BCS1L: variants seen among roughly 807,000 people sequenced by gnomAD.
BCS1L encodes the protein BCS1 ubiquinol-cytochrome c reductase complex chaperone, also known as mitochondrial chaperone BCS1.
A neutral mutation model predicts 49.3 loss-of-function variants in BCS1L; 38 were observed. The observed-to-expected ratio is 0.77, with a 90% confidence interval of 0.59 to 1.01. BCS1L has a LOEUF of 1.01. BCS1L is among the 50% of genes least tolerant of loss of function. The pLI, the probability that BCS1L is intolerant of heterozygous loss-of-function variation, is 0.00. For synonymous variants in BCS1L, 193 were observed against 210.1 expected (o/e 0.92, Z 0.70); for missense variants, 394 against 540.2 (o/e 0.73, Z 2.68).
At position 218,661,638 on chromosome 2, in the gene BCS1L, G is replaced by T; in HGVS notation, c.460+93G>T. ...CAGTTTGGAGAAGTGGAATAAGCAGGCCGGGGTGAGCCCATGGGAACAGGG... is the reference window on the plus strand; with the variant it reads ...CAGTTTGGAGAAGTGGAATAAGCAGTCCGGGGTGAGCCCATGGGAACAGGG... On this transcript the variant is annotated intron_variant, in intron 3 of 7. Coordinates refer to ENST00000359273, the MANE Select transcript of BCS1L (RefSeq NM_001079866.2). The surrounding 1 kb of genome is among the most constrained non-coding windows in gnomAD (Gnocchi z 5.9). 3.8e-6 allele frequency: 6 copies of T among 1,584,036 alleles called. No homozygotes were observed. Among genetic ancestry groups the T allele is most frequent in the Non-Finnish European group, 4.3e-6 (5 of 1,164,964 alleles).
upstream of BCS1L, chr2:218,658,762 C>G (rs1377910660): frequency 6.6e-6 from 1 of 152,130 alleles, no homozygotes; most frequent in African/African-American, 2.4e-5. Flanking sequence ...CCGGGGGGAG[C>G]CAAGGAGGAC....
rs781666793 is a variant in BCS1L at position 218,662,558 on chromosome 2, C to G, written c.768C>G (p.Leu256=). 5.0e-6 allele frequency: 8 copies of G among 1,614,170 alleles called. No homozygotes were observed. Among genetic ancestry groups the G allele is most frequent in the Non-Finnish European group, 8.5e-7 (1 of 1,180,044 alleles). The part of the protein sequence containing the change: ...ELEHSICLLS[L]TDSSLSDDRL... The stretch of plus-strand genomic sequence containing the variant: ...AGCACAGCATCTGCCTGCTGAGCCT[C>G]ACGGACTCCAGCCTCTCTGATGACC... The change falls in exon 6 of 8, where the codon CTC becomes CTG. Residue 256 remains leucine (L), a synonymous_variant. Transcript: ENST00000359273. The surrounding 1 kb of genome is among the most constrained non-coding windows in gnomAD (Gnocchi z 5.8).
At position 218,662,392 on chromosome 2, in the gene BCS1L, G is replaced by C; in HGVS notation, c.720-118G>C. On this transcript the variant is annotated intron_variant, in intron 5 of 7. Coordinates refer to ENST00000359273, the MANE Select transcript of BCS1L (RefSeq NM_001079866.2). The surrounding 1 kb of genome is among the most constrained non-coding windows in gnomAD (Gnocchi z 5.8). ...AAACATGAAACGTGTGGAACATCAGGGTGTGAGGTAGAAGTCAGGCCTCTG... is the reference window on the plus strand; with the variant it reads ...AAACATGAAACGTGTGGAACATCAGCGTGTGAGGTAGAAGTCAGGCCTCTG... 6.7e-7 allele frequency: 1 copy of C among 1,491,044 alleles called. No homozygotes were observed. The highest frequency in any genetic ancestry group is 1.7e-4 in the Middle Eastern group (1 of 5,820). 92.4% of individuals were successfully genotyped at this position (1,491,044 alleles called of 1,614,324 possible). A position where few individuals can be genotyped will look rare whatever the true frequency, so the allele number is the denominator to read the frequency against.
rs1411803751 is a variant in BCS1L, at chr2:218,660,823, T to G, written c.-49-116T>G. On this transcript the variant is annotated intron_variant, in intron 1 of 7. Coordinates refer to ENST00000359273, the MANE Select transcript of BCS1L (RefSeq NM_001079866.2). ...CCACCCTTGCATTCCAATACCACCC[T>G]TACCCCACAAAAGGAGGGTATTGAC... The G allele has an allele frequency of 1.7e-5, 12 of 716,806 alleles. No individual in the cohort carries two copies. The South Asian group carries it at 2.1e-4, about 12-fold the overall frequency. The allele number at this position is 716,806 out of a possible 1,614,324, so 44.4% of individuals were successfully genotyped here.
At position 218,662,342 on chromosome 2, in the gene BCS1L, G is replaced by T. The variant is rs1327075257; in HGVS notation, c.719+82G>T. 2 of 1,521,228 alleles carry T rather than the reference G, an allele frequency of 1.3e-6. No individual in the cohort carries two copies. The highest frequency in any genetic ancestry group is 1.4e-5 in the African/African-American group (1 of 72,614). The allele number at this position is 1,521,228 out of a possible 1,614,324, so 94.2% of individuals were successfully genotyped here. On this transcript the variant is annotated intron_variant, in intron 5 of 7. Coordinates refer to ENST00000359273, the MANE Select transcript of BCS1L (RefSeq NM_001079866.2). The surrounding 1 kb of genome is among the most constrained non-coding windows in gnomAD (Gnocchi z 5.8). ...GGCTGATAGGGTTGGAAGGGGAAAT[G>T]AATCTGGGGATCGGGGACCAGGATA...
At chr2:218,660,587 A>C in intron 1 of BCS1L, 1 of 223,848 alleles carries the variant, frequency 4.5e-6, no homozygotes, top group Non-Finnish European at 9.0e-6. Context: ...AAGTCAACGG[A>C]CGCTTCTCCC....
In BCS1L at chr2:218,662,737, C is replaced by T; in HGVS notation, c.889+58C>T. 1 of 1,612,212 alleles carries T rather than the reference C, an allele frequency of 6.2e-7. No individual in the cohort carries two copies. The highest frequency in any genetic ancestry group is 2.2e-5 in the East Asian group (1 of 44,880). On this transcript the variant is annotated intron_variant, in intron 6 of 7. Coordinates refer to ENST00000359273, the MANE Select transcript of BCS1L (RefSeq NM_001079866.2). The surrounding 1 kb of genome is among the most constrained non-coding windows in gnomAD (Gnocchi z 5.8). ...GTAACTGTGGAACAGGGGAAGAAAG[C>T]AGAAATCCAGAGGGCTGGTGGAAGA... is the stretch of plus-strand genomic sequence containing the variant.
In BCS1L at chr2:218,661,121, G is replaced by A. The variant is rs754414354; in HGVS notation, c.134G>A (p.Arg45His). 35 of 1,614,044 alleles carry A rather than the reference G, an allele frequency of 2.2e-5. No individual in the cohort carries two copies. Among genetic ancestry groups the A allele is most frequent in the African/African-American group, 2.7e-5 (2 of 74,910 alleles). The change falls in exon 2 of 8, where the codon CGC (arginine) becomes CAC (histidine). Residue 45 changes from arginine to histidine, a missense_variant. Transcript: ENST00000359273. This position sits in a 1 kb window ranked among gnomAD's most constrained non-coding sequence, Gnocchi z 5.9. The stretch of plus-strand genomic sequence containing the variant: ...CAACTGGGCCTGGTGGCATTCCGGC[G>A]CCATTACATGATCACACTGGAAGTC... Reference protein sequence around the residue: ...GVQLGLVAFRRHYMITLEVPA... With the variant: ...GVQLGLVAFRHHYMITLEVPA...
rs894421088 is a variant in BCS1L, at chr2:218,660,929, C to T, written c.-49-10C>T. The T allele has an allele frequency of 1.3e-6, 2 of 1,587,682 alleles. No individual in the cohort carries two copies. Among genetic ancestry groups the T allele is most frequent in the African/African-American group, 1.3e-5 (1 of 74,448 alleles). On this transcript the variant is annotated splice_polypyrimidine_tract_variant and intron_variant, in intron 1 of 7. Coordinates refer to ENST00000359273, the MANE Select transcript of BCS1L (RefSeq NM_001079866.2). ...TGCTTTGTCCCATCTCCACTGTTCC[C>T]CACCCCTAGGTTTTCGTAACACCCC...
rs1939517706 is a variant in BCS1L at position 218,662,027 on chromosome 2, T to C, written c.655+74T>C. On this transcript the variant is annotated intron_variant, in intron 4 of 7. Coordinates refer to ENST00000359273, the MANE Select transcript of BCS1L (RefSeq NM_001079866.2). The surrounding 1 kb of genome is among the most constrained non-coding windows in gnomAD (Gnocchi z 5.8). ...AGGGACAGGTTGGTCTCCAGCCAGATGGGGTGATATAAAGCTCTAGTCCAA... is the reference window on the plus strand; with the variant it reads ...AGGGACAGGTTGGTCTCCAGCCAGACGGGGTGATATAAAGCTCTAGTCCAA... The C allele has an allele frequency of 6.5e-7, 1 of 1,532,912 alleles. No individual in the cohort carries two copies. The highest frequency in any genetic ancestry group is 9.0e-7 in the Non-Finnish European group (1 of 1,110,180). 95.0% of individuals were successfully genotyped at this position (1,532,912 alleles called of 1,614,324 possible). A position where few individuals can be genotyped will look rare whatever the true frequency, so the allele number is the denominator to read the frequency against.
chr2:218,659,580 GA>G (rs1939078742), upstream of BCS1L: 1 of 152,278 alleles, frequency 6.6e-6, no homozygotes. This position sits in a 1 kb window ranked among gnomAD's most constrained non-coding sequence, Gnocchi z 4.4. Context: ...CTCCAGCCCT[GA>G]AGCCGGAGAA....
chr2:218,663,283 G>A lies in BCS1L; in HGVS notation c.1157G>A (p.Arg386Gln), dbSNP rs775817146. The A allele has an allele frequency of 1.3e-5, 21 of 1,614,056 alleles. No individual in the cohort carries two copies. In the Admixed American group the frequency reaches 1.7e-4, roughly 13 times the overall value. Residue 386 changes from arginine to glutamine, a missense_variant, in exon 8 of 8, where the codon CGA becomes CAA. Coordinates refer to ENST00000359273, the MANE Select transcript of BCS1L (RefSeq NM_001079866.2). ...LAENFAEHVL[R>Q]ATNQISPAQV... is the part of the protein sequence containing the mutation. ...GAGAACTTTGCAGAACATGTCCTTC[G>A]AGCTACAAACCAGATCAGTCCTGCC...
chr2:218,659,952 C>T lies in BCS1L; in HGVS notation c.-50+209C>T, dbSNP rs1305087630. ...AGGTCACTGCTGTCAGCTCACCTCC[C>T]TGCATGCCAGGCGCAGGGCAAAGTG... On this transcript the variant is annotated intron_variant, in intron 1 of 7. Transcript: ENST00000359273. This position sits in a 1 kb window ranked among gnomAD's most constrained non-coding sequence, Gnocchi z 4.4. 3 of 152,292 alleles carry T rather than the reference C, an allele frequency of 2.0e-5. No homozygotes were observed. The highest frequency in any genetic ancestry group is 6.5e-5 in the Admixed American group (1 of 15,284). 9.4% of individuals were successfully genotyped at this position (152,292 alleles called of 1,614,324 possible). A position where few individuals can be genotyped will look rare whatever the true frequency, so the allele number is the denominator to read the frequency against.
rs140812286 is a variant in BCS1L, at chr2:218,661,204, C to T, written c.217C>T (p.Arg73Cys). Residue 73 changes from arginine to cysteine, a missense_variant, in exon 2 of 8, where the codon CGT (arginine) becomes TGT (cysteine). Physicochemically the swap from Arg to Cys is radical, Grantham distance 180. Transcript: ENST00000359273. This position sits in a 1 kb window ranked among gnomAD's most constrained non-coding sequence, Gnocchi z 5.9. Reference protein sequence around the residue: ...LLSWLTRHSTRTQHLSVETSY... With the variant: ...LLSWLTRHSTCTQHLSVETSY... The stretch of plus-strand genomic sequence containing the variant: ...TAGCTGGCTCACCCGCCACAGTACC[C>T]GTACTCAGCACCTCAGTGTCGAGAC... 6.9e-5 allele frequency: 111 copies of T among 1,614,092 alleles called. No individual in the cohort carries two copies. The highest frequency in any genetic ancestry group is 3.3e-5 in the South Asian group (3 of 91,086).
Position 218,661,872 on chromosome 2 carries a change from G to A in BCS1L, c.574G>A (p.Val192Ile), listed in dbSNP as rs139009621. The change falls in exon 4 of 8, where the codon GTT (valine) becomes ATT (isoleucine). Residue 192 changes from valine (V) to isoleucine (I), a missense_variant. Coordinates refer to ENST00000359273, the MANE Select transcript of BCS1L (RefSeq NM_001079866.2). The surrounding 1 kb of genome is among the most constrained non-coding windows in gnomAD (Gnocchi z 5.9). ...PRRRRPLNSV[V>I]LQQGLADRIV... Reference sequence around the variant, plus strand: ...CCGCCGGCGACCACTGAATTCTGTGGTTCTACAACAGGGTCTGGCTGACCG... The same window carrying A: ...CCGCCGGCGACCACTGAATTCTGTGATTCTACAACAGGGTCTGGCTGACCG... The A allele has an allele frequency of 1.2e-6, 2 of 1,614,102 alleles. No homozygotes were observed. The highest frequency in any genetic ancestry group is 2.7e-5 in the African/African-American group (2 of 74,930).
chr2:218,659,173 G>A (rs909512978), upstream of BCS1L: 10 of 152,372 alleles, frequency 6.6e-5, no homozygotes, highest in African/African-American at 2.4e-4. This position sits in a 1 kb window ranked among gnomAD's most constrained non-coding sequence, Gnocchi z 4.4. Context: ...GAGAGCAGCA[G>A]GTACCCGGGC....
rs532199775 is a variant in BCS1L at position 218,661,744 on chromosome 2, T to G, written c.461-15T>G. On this transcript the variant is annotated splice_polypyrimidine_tract_variant and intron_variant, in intron 3 of 7. Coordinates refer to ENST00000359273, the MANE Select transcript of BCS1L (RefSeq NM_001079866.2). This position sits in a 1 kb window ranked among gnomAD's most constrained non-coding sequence, Gnocchi z 5.9. ...GAAGAGAATTATTGGCTTTATCTCA[T>G]CTTCTCCTTCCCAGCTCGAGAGCTA... The G allele has an allele frequency of 6.2e-7, 1 of 1,607,404 alleles. No homozygotes were observed. The highest frequency in any genetic ancestry group is 1.3e-5 in the African/African-American group (1 of 74,698).
Position 218,661,154 on chromosome 2 carries a change from G to GA in BCS1L, c.168dup (p.Asp57ArgfsTer9). On this transcript the variant is annotated frameshift_variant, in exon 2 of 8. Transcript: ENST00000359273. LOFTEE classifies it high-confidence loss of function. The surrounding 1 kb of genome is among the most constrained non-coding windows in gnomAD (Gnocchi z 5.9). Reference sequence around the variant, plus strand: ...ATGATCACACTGGAAGTCCCTGCTCGAGACAGGAGCTATGCCTGGTTGCTT... The same window carrying GA: ...ATGATCACACTGGAAGTCCCTGCTCGAAGACAGGAGCTATGCCTGGTTGCTT... 1 of 1,614,198 alleles carries GA rather than the reference G, an allele frequency of 6.2e-7. No homozygotes were observed. Among genetic ancestry groups the GA allele is most frequent in the Non-Finnish European group, 8.5e-7 (1 of 1,180,020 alleles).
chr2:218,660,505 G>A (rs1441396882), intron 1 of BCS1L: 1 of 166,568 alleles, frequency 6.0e-6, no homozygotes, highest in African/African-American at 2.6e-5. Context: ...TAAACAAGAC[G>A]TTAAATATTG....
Sources: gnomAD v4.1 joint callset for allele counts on GRCh38, gnomAD v4.1.1 for gene constraint, Gnocchi (gnomAD v3.1) non-coding constraint, MANE v1.5 for transcripts, NCBI Gene and HGNC (gene_info 2026-07-23, HGNC 2026-07-21) for gene names.